KCNK13: variants seen among roughly 807,000 people sequenced by gnomAD.
The protein encoded by KCNK13 is potassium channel subfamily K member 13.
KCNK13 carries 12 observed loss-of-function variants against 23.4 expected under a neutral mutation model. The ratio of observed to expected loss-of-function variants is 0.51; its 90% CI spans 0.33 to 0.83. The LOEUF is 0.83. KCNK13 is among the 40% of genes least tolerant of loss of function. The pLI, the probability that KCNK13 is intolerant of heterozygous loss-of-function variation, is 0.02. For synonymous variants in KCNK13, 231 were observed against 229.5 expected (o/e 1.01, Z -0.06); for missense variants, 463 against 556.3 (o/e 0.83, Z 1.69).
At chr14:90,068,601 C>G (rs935563398) in intron 1 of KCNK13, among the ~76,000 whole-genome samples, 1 of 151,974 alleles carries the variant, frequency 6.6e-6, no homozygotes, top group Non-Finnish European at 1.5e-5. Flanking sequence ...AAGACCCTGT[C>G]TCAAGCAAAA....
chr14:90,133,726 C>G (rs1051221422), intron 1 of KCNK13, among the ~76,000 whole-genome samples: 1 of 152,014 alleles, frequency 6.6e-6, no homozygotes, highest in African/African-American at 2.4e-5. Context: ...TTCCCTTTGT[C>G]TGCCTGAGAA....
chr14:90,166,705 C>CAAA (rs11406494), intron 1 of KCNK13, among the ~76,000 whole-genome samples: 1 of 110,824 alleles, frequency 9.0e-6, no homozygotes, highest in African/African-American at 3.3e-5. Flanking sequence ...GACTCTGTCT[C>CAAA]AAAAAAAAAA....
intron 1 of KCNK13, among the ~76,000 whole-genome samples, chr14:90,148,915 C>T (rs149509829): frequency 4.5e-4 from 68 of 152,292 alleles, no homozygotes; most frequent in Admixed American, 2.2e-3. Context: ...ATTACAAATA[C>T]ACTGTAAAAG....
intron 1 of KCNK13, among the ~76,000 whole-genome samples, chr14:90,139,504 GTT>G (rs1889978489): frequency 1.3e-5 from 1 of 78,426 alleles, no homozygotes; most frequent in Non-Finnish European, 3.7e-5. Flanking sequence ...AGGAGGTGGA[GTT>G]CTTTCCTTTT....
At chr14:90,127,398 T>C (rs933380911) in intron 1 of KCNK13, among the ~76,000 whole-genome samples, 1 of 151,906 alleles carries the variant, frequency 6.6e-6, no homozygotes, top group African/African-American at 2.4e-5. Flanking sequence ...CAGTCCTGTT[T>C]TGGGGACAGG....
At chr14:90,148,715 C>T (rs1438802774) in intron 1 of KCNK13, among the ~76,000 whole-genome samples, 4 of 152,258 alleles carry the variant, frequency 2.6e-5, no homozygotes, top group South Asian at 2.1e-4. Flanking sequence ...TGCTAAGGAA[C>T]GCATATTTTA....
At position 90,062,599 on chromosome 14, in the gene KCNK13, G is replaced by A. The variant is rs138123253; in HGVS notation, c.334+60G>A. 2.3e-6 allele frequency: 3 copies of A among 1,286,672 alleles called. No individual in the cohort carries two copies. The African/African-American group carries it at 4.7e-5, about 20-fold the overall frequency. The allele number at this position is 1,286,672 out of a possible 1,614,324, so 79.7% of individuals were successfully genotyped here. A position where few individuals can be genotyped will look rare whatever the true frequency, so the allele number is the denominator to read the frequency against. On this transcript the variant is annotated intron_variant, in intron 1 of 1. Coordinates refer to ENST00000282146, the MANE Select transcript of KCNK13 (RefSeq NM_022054.4). The surrounding 1 kb of genome is among the most constrained non-coding windows in gnomAD (Gnocchi z 4.5). ...GGGCGGCCTCCACTTCCTCCGGGGG[G>A]CAGGACCGACCCTCTCATCCTTTCA... is the stretch of plus-strand genomic sequence containing the variant.
intron 1 of KCNK13, among the ~76,000 whole-genome samples, chr14:90,157,109 AT>A (rs1402073724): frequency 1.3e-5 from 2 of 152,176 alleles, no homozygotes; most frequent in East Asian, 3.8e-4. Flanking sequence ...TATTTTGATA[AT>A]TTTGATGTAC....
At chr14:90,148,589 T>C (rs7146749) in intron 1 of KCNK13, among the ~76,000 whole-genome samples, 9,897 of 152,282 alleles carry the variant, frequency 0.065, 416 homozygotes, top group South Asian at 0.21. Flanking sequence ...ACAGGGGCAG[T>C]ACTCCAGAGG....
intron 1 of KCNK13, among the ~76,000 whole-genome samples, chr14:90,078,051 T>A (rs1297564492): frequency 6.6e-6 from 1 of 152,216 alleles, no homozygotes. Flanking sequence ...GCTATACTAT[T>A]TCTCAACCTA....
At chr14:90,077,066 G>T (rs1442465117) in intron 1 of KCNK13, among the ~76,000 whole-genome samples, 2 of 146,476 alleles carry the variant, frequency 1.4e-5, no homozygotes, top group Non-Finnish European at 3.0e-5. Flanking sequence ...TGATCCGCCC[G>T]CCTCAGCCTC....
intron 1 of KCNK13, among the ~76,000 whole-genome samples, chr14:90,069,763 C>A (rs954978383): frequency 1.3e-5 from 2 of 152,150 alleles, no homozygotes; most frequent in African/African-American, 2.4e-5. Flanking sequence ...TTGAACACTT[C>A]AGATGTTACC....
chr14:90,082,108 C>T (rs1889219890), intron 1 of KCNK13, among the ~76,000 whole-genome samples: 1 of 152,196 alleles, frequency 6.6e-6, no homozygotes, highest in African/African-American at 2.4e-5. Context: ...GTTGCCCGAG[C>T]TGGAGTGCAG....
Position 90,072,070 on chromosome 14 carries a change from A to G in KCNK13, c.334+9531A>G, listed in dbSNP as rs370247548. ...GGACGGTGGGGAAAATCACCTCATC[A>G]GAAGGCACCTCTGTCACAACCCGGC... On this transcript the variant is annotated intron_variant, in intron 1 of 1. Transcript: ENST00000282146. 9.3e-4 allele frequency among the ~76,000 whole-genome samples: 141 copies of G among 152,274 alleles called. 1 individual carries two copies. Among genetic ancestry groups the G allele is most frequent in the African/African-American group, 3.3e-3 (136 of 41,550 alleles).
chr14:90,130,039 A>C (rs3861657), intron 1 of KCNK13, among the ~76,000 whole-genome samples: 5 of 152,018 alleles, frequency 3.3e-5, no homozygotes, highest in Admixed American at 2.6e-4. Flanking sequence ...TGTTCTTTCA[A>C]TGGAATATAA....
chr14:90,101,093 C>T (rs180842359), intron 1 of KCNK13, among the ~76,000 whole-genome samples: 1 of 152,228 alleles, frequency 6.6e-6, no homozygotes, highest in African/African-American at 2.4e-5. Flanking sequence ...ACTTCAATCC[C>T]CTGTTCAGTT....
chr14:90,070,851 G>C (rs561447404), intron 1 of KCNK13, among the ~76,000 whole-genome samples: 5 of 152,204 alleles, frequency 3.3e-5, no homozygotes, highest in Non-Finnish European at 7.3e-5. Flanking sequence ...TAGCTGGTGA[G>C]AGCTTACCTC....
intron 1 of KCNK13, among the ~76,000 whole-genome samples, chr14:90,097,111 C>G (rs1475385070): frequency 6.6e-6 from 1 of 152,136 alleles, no homozygotes; most frequent in Non-Finnish European, 1.5e-5. Flanking sequence ...TTACCGTAAA[C>G]CCTCCTTCCT....
intron 1 of KCNK13, among the ~76,000 whole-genome samples, chr14:90,066,973 AAAAAG>A (rs1006210718): frequency 6.6e-6 from 1 of 152,244 alleles, no homozygotes; most frequent in Non-Finnish European, 1.5e-5. Flanking sequence ...TCAGCCAAAA[AAAAAG>A]GAATGAAATT....
Sources: allele counts gnomAD v4.1 joint callset (sites outside exome capture counted in the v4.1 genomes callset), GRCh38; gene constraint gnomAD v4.1.1; non-coding constraint Gnocchi (gnomAD v3.1); transcripts MANE v1.5; gene names NCBI Gene and HGNC (gene_info 2026-07-23, HGNC 2026-07-21).